Variants in ATR observed in about 807,000 individuals in gnomAD.
ATR encodes the protein serine/threonine-protein kinase ATR.
Under a neutral mutation model 305.3 loss-of-function variants are expected in ATR, and 142 were observed. The ratio of observed to expected loss-of-function variants is 0.47; its 90% CI spans 0.41 to 0.53. The LOEUF is 0.53. ATR is among the 20% of genes least tolerant of loss of function. The pLI, the probability that ATR is intolerant of heterozygous loss-of-function variation, is 0.00. For synonymous variants in ATR, 1,050 were observed against 1,068.1 expected (o/e 0.98, Z 0.33); for missense variants, 2,135 against 3,133.1 (o/e 0.68, Z 7.60).
intron 1 of ATR, among the ~76,000 whole-genome samples, chr3:142,577,647 G>T (rs537860010): frequency 6.6e-6 from 1 of 152,240 alleles, no homozygotes; most frequent in Non-Finnish European, 1.5e-5. Flanking sequence ...AAAAGAAAGA[G>T]AAGTAGCTAT....
chr3:142,503,924 T>C (rs2032104649), intron 29 of ATR, among the ~76,000 whole-genome samples: 1 of 152,242 alleles, frequency 6.6e-6, no homozygotes, highest in African/African-American at 2.4e-5. Flanking sequence ...TTAAAGATTG[T>C]CATATTTCTC....
intron 29 of ATR, 25 bp from the exon 30 acceptor site, chr3:142,503,478 T>C: frequency 7.2e-7 from 1 of 1,397,196 alleles, no homozygotes; most frequent in Non-Finnish European, 1.0e-6. Context: ...ATATTTAAAA[T>C]AGCAATTATC....
intron 1 of ATR, among the ~76,000 whole-genome samples, chr3:142,568,844 A>C (rs569514813): frequency 6.6e-6 from 1 of 152,246 alleles, no homozygotes; most frequent in African/African-American, 2.4e-5. Flanking sequence ...GACGGCACTG[A>C]CACACCAGCC....
At chr3:142,453,310 AG>A in intron 45 of ATR, 77 bp from the exon 46 acceptor site, 3 of 1,486,920 alleles carry the variant, frequency 2.0e-6, no homozygotes, top group Non-Finnish European at 2.8e-6. Flanking sequence ...ATTTAAGTGA[AG>A]GATGAGAAGC....
At chr3:142,544,195 C>T (rs1040548801) in intron 16 of ATR, among the ~76,000 whole-genome samples, 24 of 152,012 alleles carry the variant, frequency 1.6e-4, no homozygotes, top group East Asian at 7.8e-4. Context: ...TGGTGGCTCA[C>T]GCCTATAATC....
intron 1 of ATR, among the ~76,000 whole-genome samples, chr3:142,575,442 C>T (rs1475575633): frequency 6.7e-6 from 1 of 149,564 alleles, no homozygotes; most frequent in Non-Finnish European, 1.5e-5. Context: ...AGAGATCACG[C>T]CACTGGAGAG....
At chr3:142,523,961 C>G in intron 22 of ATR, 32 bp downstream of exon 22, 1 of 1,593,838 alleles carries the variant, frequency 6.3e-7, no homozygotes, top group Non-Finnish European at 8.6e-7. Context: ...GGACAGAGAA[C>G]TCTTTTGTCA....
At chr3:142,529,628 T>C (rs2033558670) in intron 21 of ATR, among the ~76,000 whole-genome samples, 1 of 152,164 alleles carries the variant, frequency 6.6e-6, no homozygotes, top group Non-Finnish European at 1.5e-5. Context: ...GAAAACCATA[T>C]TACTTCAATT....
intron 22 of ATR, 141 bp from the exon 23 acceptor site, chr3:142,522,982 C>A (rs2033210889): frequency 7.0e-6 from 5 of 711,820 alleles, no homozygotes; most frequent in Non-Finnish European, 1.2e-5. Flanking sequence ...GAGGTTCAAA[C>A]TAAGTTTGGT....
rs902628182 is a variant in ATR, at chr3:142,566,179, G to A, written c.234C>T (p.Ser78=). 1.9e-6 allele frequency: 3 copies of A among 1,614,108 alleles called. No homozygotes were observed. The highest frequency in any genetic ancestry group is 2.7e-5 in the African/African-American group (2 of 75,036). ...LLDFIQHIMK[S]SPLMFVNVSG... is the part of the protein sequence containing the mutation. ...TCACATTTACAAACATAAGTGGGGA[G>A]GATTTCATGATATGCTGGATGAAAT... Residue 78 remains serine (S), a synonymous_variant, in exon 3 of 47, where the codon TCC becomes TCT. Coordinates refer to ENST00000350721, the MANE Select transcript of ATR (RefSeq NM_001184.4).
chr3:142,459,911 G>C (rs2070987690), intron 42 of ATR, among the ~76,000 whole-genome samples: 1 of 151,970 alleles, frequency 6.6e-6, no homozygotes, highest in South Asian at 2.1e-4. Context: ...TCAAAATTAA[G>C]TCCCATATGA....
intron 5 of ATR, 40 bp from the exon 6 acceptor site, chr3:142,560,494 T>A (rs2034837516): frequency 6.5e-7 from 1 of 1,539,336 alleles, no homozygotes; most frequent in Non-Finnish European, 9.0e-7. Flanking sequence ...TCATATGCAA[T>A]ATAAATTTGG....
Position 142,562,268 on chromosome 3 carries a change from A to G in ATR, c.1134T>C (p.Ala378=). 2 of 1,614,118 alleles carry G rather than the reference A, an allele frequency of 1.2e-6. No individual in the cohort carries two copies. The highest frequency in any genetic ancestry group is 1.7e-6 in the Non-Finnish European group (2 of 1,179,970). The change falls in exon 4 of 47, where the codon GCT becomes GCC. Residue 378 remains alanine (A), a synonymous_variant. Coordinates refer to ENST00000350721, the MANE Select transcript of ATR (RefSeq NM_001184.4). Reference sequence around the variant, plus strand: ...CCTCAATTCCAAGCACATCCAAAAGAGCTTTACAAATATTTCTCACATAGA... The same window carrying G: ...CCTCAATTCCAAGCACATCCAAAAGGGCTTTACAAATATTTCTCACATAGA... ...RKVYVRNICK[A]LLDVLGIEVD... is the part of the protein sequence containing the mutation.
At chr3:142,451,170 A>G (rs1192290417) in intron 46 of ATR, 8 of 1,203,558 alleles carry the variant, frequency 6.6e-6, no homozygotes, top group Non-Finnish European at 8.4e-6. Flanking sequence ...GAATCTTCCA[A>G]AGAAAACTTC....
chr3:142,556,328 CAATT>C, intron 9 of ATR, 51 bp downstream of exon 9: 1 of 1,564,070 alleles, frequency 6.4e-7, no homozygotes, highest in Non-Finnish European at 8.8e-7. Context: ...CATAGCCAGA[CAATT>C]ATGATCTTTC....
intron 45 of ATR, among the ~76,000 whole-genome samples, chr3:142,456,848 C>A (rs1467915631): frequency 1.3e-5 from 2 of 152,202 alleles, no homozygotes; most frequent in Non-Finnish European, 2.9e-5. Flanking sequence ...ACATACATTA[C>A]TAGTGGGATT....
Position 142,578,714 on chromosome 3 carries a change from G to A in ATR, c.-10C>T, listed in dbSNP as rs749023710. 31 of 1,611,202 alleles carry A rather than the reference G, an allele frequency of 1.9e-5. No individual in the cohort carries two copies. The African/African-American group carries it at 3.9e-4, about 20-fold the overall frequency. ...GGCCATGTTCCCCCATGCTGAGGCT[G>A]CGAGGCACTAGTCAACCACGCCAAC... On this transcript the variant is annotated 5_prime_UTR_variant, in exon 1 of 47. Transcript: ENST00000350721.
At chr3:142,484,732 T>A (rs985802569) in intron 36 of ATR, among the ~76,000 whole-genome samples, 13 of 152,162 alleles carry the variant, frequency 8.5e-5, no homozygotes, top group African/African-American at 2.9e-4. Context: ...CACCAAGCCC[T>A]CAACCTCTGA....
rs74556916 is a variant in ATR at position 142,560,955 on chromosome 3, G to A, written c.1349+288C>T. Among the ~76,000 whole-genome samples the A allele has an allele frequency of 0.018, 2,747 of 152,250 alleles. 30 individuals are homozygous for A. The highest frequency in any genetic ancestry group is 0.041 in the South Asian group (198 of 4,822). On this transcript the variant is annotated intron_variant, in intron 5 of 46. Coordinates refer to ENST00000350721, the MANE Select transcript of ATR (RefSeq NM_001184.4). ...ACTTTATAAAAAATAGTTGGTTAATGTTTTAAAAATTGCTAATAGATGCAC... is the reference window on the plus strand; with the variant it reads ...ACTTTATAAAAAATAGTTGGTTAATATTTTAAAAATTGCTAATAGATGCAC...
Sources: allele counts gnomAD v4.1 joint callset (sites outside exome capture counted in the v4.1 genomes callset), GRCh38; gene constraint gnomAD v4.1.1; transcripts MANE v1.5; gene names NCBI Gene and HGNC (gene_info 2026-07-23, HGNC 2026-07-21).